The following MMP17 variants were observed in gnomAD, a reference collection of about 807,000 sequenced individuals.
The protein encoded by MMP17 is matrix metalloproteinase-17.
Under a neutral mutation model 49.1 loss-of-function variants are expected in MMP17, and 54 were observed. The observed-to-expected ratio is 1.10, with a 90% CI of 0.88 to 1.38. The LOEUF (loss-of-function observed/expected upper bound fraction) is 1.38, where lower values mean the gene tolerates loss of function less well. MMP17 is among the 40% of genes most tolerant of loss of function. The pLI is 0.00. For synonymous variants in MMP17, 397 were observed against 383.1 expected (o/e 1.04, Z -0.42); for missense variants, 837 against 853.7 (o/e 0.98, Z 0.24).
chr12:131,844,933 G>A (rs115276507), intron 6 of MMP17, 185 bp from the exon 7 acceptor site: 237 of 610,526 alleles, frequency 3.9e-4, no homozygotes, highest in Middle Eastern at 1.3e-3. Context: ...CTCGGCCCCC[G>A]CCCGCTGAAG....
chr12:131,848,932 C>T lies in MMP17; in HGVS notation c.1205-870C>T, dbSNP rs532067555. 1.6e-4 allele frequency among the ~76,000 whole-genome samples: 24 copies of T among 152,340 alleles called. No individual in the cohort carries two copies. The South Asian group carries it at 3.3e-3, about 21-fold the overall frequency. Reference sequence around the variant, plus strand: ...GTTCTTTTGGATTTATACCCAGAAGCGGGAATGCTGGATCACGTGGTAATT... The same window carrying T: ...GTTCTTTTGGATTTATACCCAGAAGTGGGAATGCTGGATCACGTGGTAATT... On this transcript the variant is annotated intron_variant, in intron 8 of 9. Coordinates refer to ENST00000360564, the MANE Select transcript of MMP17 (RefSeq NM_016155.7).
In MMP17 at chr12:131,851,091, C is replaced by T. The variant is rs756889649; in HGVS notation, c.1629C>T (p.Arg543=). 36 of 1,602,140 alleles carry T rather than the reference C, an allele frequency of 2.2e-5. No homozygotes were observed. The highest frequency in any genetic ancestry group is 4.0e-5 in the African/African-American group (3 of 74,462). The change falls in exon 10 of 10, where the codon CGC becomes CGT. Residue 543 remains arginine, a synonymous_variant. Coordinates refer to ENST00000360564, the MANE Select transcript of MMP17 (RefSeq NM_016155.7). ...AAGVDAAEGP[R]APPGQHDQSR... ...GCGTGGACGCGGCAGAGGGGCCCCG[C>T]GCCCCTCCAGGACAACATGACCAGA...
In MMP17 at chr12:131,841,783, G is replaced by A. The variant is rs760432391; in HGVS notation, c.866G>A (p.Arg289His). The A allele has an allele frequency of 1.6e-5, 25 of 1,600,942 alleles. No individual in the cohort carries two copies. The highest frequency in any genetic ancestry group is 5.6e-5 in the South Asian group (5 of 89,948). ...RYGLPYEDKV[R>H]VWQLYGVRES... is the part of the protein sequence containing the mutation. ...GGGCTCCCCTACGAGGACAAGGTGC[G>A]CGTCTGGCAGCTGTACGGTGAGTGT... The change falls in exon 5 of 10, where the codon CGC (arginine) becomes CAC (histidine). Residue 289 changes from arginine to histidine, a missense_variant. Physicochemically the swap from Arg to His is conservative, Grantham distance 29. Transcript: ENST00000360564.
At chr12:131,843,141 T>G (rs1036226550) in intron 5 of MMP17, among the ~76,000 whole-genome samples, 4 of 143,466 alleles carry the variant, frequency 2.8e-5, no homozygotes, top group African/African-American at 1.2e-4. Flanking sequence ...TTTTTTGTAT[T>G]TTTTTTTTAG....
At chr12:131,843,176 C>T (rs1296771479) in intron 5 of MMP17, among the ~76,000 whole-genome samples, 1 of 151,798 alleles carries the variant, frequency 6.6e-6, no homozygotes, top group African/African-American at 2.4e-5. Context: ...CACTGTTAGC[C>T]AGGATGGTCT....
chr12:131,828,972 C>T (rs71470346), intron 1 of MMP17, among the ~76,000 whole-genome samples: 34,470 of 152,070 alleles, frequency 0.23, 4,464 homozygotes, highest in Non-Finnish European at 0.29. Flanking sequence ...TTGCAGCAGC[C>T]CCGGAGCAGC....
intron 8 of MMP17, among the ~76,000 whole-genome samples, chr12:131,848,062 T>A (rs1428479285): frequency 6.6e-6 from 1 of 152,164 alleles, no homozygotes; most frequent in Non-Finnish European, 1.5e-5. Context: ...CTGGTCTTTT[T>A]ATATTATTTT....
Position 131,841,712 on chromosome 12 carries a change from C to T in MMP17, c.795C>T (p.Ile265=), listed in dbSNP as rs1555258319. The change falls in exon 5 of 10, where the codon ATC becomes ATT. Residue 265 remains isoleucine, a synonymous_variant. Coordinates refer to ENST00000360564, the MANE Select transcript of MMP17 (RefSeq NM_016155.7). Reference sequence around the variant, plus strand: ...GCCATGTGGCCGCTGCACACTCCATCATGCGGCCGTACTACCAGGGCCCGG... The same window carrying T: ...GCCATGTGGCCGCTGCACACTCCATTATGCGGCCGTACTACCAGGGCCCGG... ...GLSHVAAAHS[I]MRPYYQGPVG... The T allele has an allele frequency of 1.2e-6, 2 of 1,613,906 alleles. No homozygotes were observed. The highest frequency in any genetic ancestry group is 2.2e-5 in the South Asian group (2 of 91,078).
chr12:131,836,126 ACACT>A (rs1315128059), intron 1 of MMP17, among the ~76,000 whole-genome samples: 9 of 152,084 alleles, frequency 5.9e-5, no homozygotes, highest in African/African-American at 2.2e-4. Flanking sequence ...AGTTCTGTAC[ACACT>A]CTTGGCTTCC....
rs1043956817 is a variant in MMP17 at position 131,838,226 on chromosome 12, C to T, written c.191C>T (p.Pro64Leu). 11 of 1,612,908 alleles carry T rather than the reference C, an allele frequency of 6.8e-6. No individual in the cohort carries two copies. The highest frequency in any genetic ancestry group is 1.3e-5 in the African/African-American group (1 of 74,928). ...CTAAGCAGGTTCGGTTACCTGCCCCCGGCTGACCCCACAACAGGGCAGCTG... is the reference window on the plus strand; with the variant it reads ...CTAAGCAGGTTCGGTTACCTGCCCCTGGCTGACCCCACAACAGGGCAGCTG... ...EWLSRFGYLP[P>L]ADPTTGQLQT... Residue 64 changes from proline to leucine, a missense_variant, in exon 2 of 10, where the codon CCG (proline) becomes CTG (leucine). Pro to Leu is a moderately conservative substitution (Grantham distance 98). Transcript: ENST00000360564.
rs937510207 is a variant in MMP17, at chr12:131,838,690, G to A, written c.371G>A (p.Arg124Lys). 1.2e-6 allele frequency: 2 copies of A among 1,606,662 alleles called. No individual in the cohort carries two copies. The highest frequency in any genetic ancestry group is 1.7e-6 in the Non-Finnish European group (2 of 1,177,626). Residue 124 changes from arginine (R) to lysine (K), a missense_variant, in exon 3 of 10, where the codon AGA becomes AAA. Physicochemically the swap from Arg to Lys is conservative, Grantham distance 26. Coordinates refer to ENST00000360564, the MANE Select transcript of MMP17 (RefSeq NM_016155.7). ...CCTGTCCTGACCCAGGCTCGCAGGA[G>A]ACGCCAGGCTCCAGCCCCCACCAAG... ...DLPVLTQARR[R>K]RQAPAPTKWN...
intron 1 of MMP17, among the ~76,000 whole-genome samples, chr12:131,835,053 G>C (rs556271214): frequency 6.6e-6 from 1 of 152,182 alleles, no homozygotes; most frequent in Non-Finnish European, 1.5e-5. Flanking sequence ...GGCTTGTTCT[G>C]TTGGGGTGTC....
rs549493009 is a variant in MMP17, at chr12:131,836,111, C to A, written c.160-2084C>A. Among the ~76,000 whole-genome samples, 322 of 152,274 alleles carry A rather than the reference C, an allele frequency of 2.1e-3. 3 individuals carry two copies. The highest frequency in any genetic ancestry group is 7.1e-3 in the African/African-American group (296 of 41,542). On this transcript the variant is annotated intron_variant, in intron 1 of 9. Coordinates refer to ENST00000360564, the MANE Select transcript of MMP17 (RefSeq NM_016155.7). Reference sequence around the variant, plus strand: ...TGTCGTGCCTATAGCTTTGGAGGGGCCCCCAGTTCTGTACACACTCTTGGC... The same window carrying A: ...TGTCGTGCCTATAGCTTTGGAGGGGACCCCAGTTCTGTACACACTCTTGGC...
intron 1 of MMP17, among the ~76,000 whole-genome samples, chr12:131,831,210 G>T (rs1886777489): frequency 6.6e-6 from 1 of 152,260 alleles, no homozygotes; most frequent in South Asian, 2.1e-4. Context: ...TGGGTCCTGG[G>T]TGGCAGTTGT....
chr12:131,838,795 C>T (rs1887226394), intron 3 of MMP17, 54 bp downstream of exon 3: 1 of 1,520,194 alleles, frequency 6.6e-7, no homozygotes, highest in African/African-American at 1.4e-5. Context: ...GGGCGCGTGG[C>T]CAGGGTGAGG....
chr12:131,851,419 G>A lies in MMP17; in HGVS notation c.*145G>A. On this transcript the variant is annotated 3_prime_UTR_variant, in exon 10 of 10. Transcript: ENST00000360564. ...CACCGGAAGGCCAGCAGAGGGCACTGTCCGCCAGGGCTGGGCAGGCTCAGG... is the reference window on the plus strand; with the variant it reads ...CACCGGAAGGCCAGCAGAGGGCACTATCCGCCAGGGCTGGGCAGGCTCAGG... 9 of 643,870 alleles carry A rather than the reference G, an allele frequency of 1.4e-5. 1 individual carries two copies. In the South Asian group the frequency reaches 4.3e-4, roughly 31 times the overall value. The allele number at this position is 643,870 out of a possible 1,614,324, so 39.9% of individuals were successfully genotyped here.
At chr12:131,829,400 G>C (rs964918632) in intron 1 of MMP17, among the ~76,000 whole-genome samples, 2 of 152,208 alleles carry the variant, frequency 1.3e-5, no homozygotes, top group Non-Finnish European at 2.9e-5. Context: ...TTCCGCAGCC[G>C]GGACTCGCGT....
rs1273665581 is a variant in MMP17 at position 131,851,248 on chromosome 12, A to G, written c.1786A>G (p.Thr596Ala). Residue 596 changes from threonine to alanine, a missense_variant, in exon 10 of 10, where the codon ACA becomes GCA. Coordinates refer to ENST00000360564, the MANE Select transcript of MMP17 (RefSeq NM_016155.7). Reference protein sequence around the residue: ...LPPLSPGALWTAAQALTL With the variant: ...LPPLSPGALWAAAQALTL ...GCCACTGTCACCAGGCGCCCTGTGGACAGCGGCCCAGGCCCTGACGCTATG... is the reference window on the plus strand; with the variant it reads ...GCCACTGTCACCAGGCGCCCTGTGGGCAGCGGCCCAGGCCCTGACGCTATG... 3 of 1,444,026 alleles carry G rather than the reference A, an allele frequency of 2.1e-6. No homozygotes were observed. Among genetic ancestry groups the G allele is most frequent in the Non-Finnish European group, 2.7e-6 (3 of 1,095,790 alleles). The allele number at this position is 1,444,026 out of a possible 1,614,324, so 89.5% of individuals were successfully genotyped here. A position where few individuals can be genotyped will look rare whatever the true frequency, so the allele number is the denominator to read the frequency against.
chr12:131,843,963 G>T, intron 5 of MMP17, 34 bp from the exon 6 acceptor site: 17 of 1,480,250 alleles, frequency 1.1e-5, no homozygotes, highest in Non-Finnish European at 1.5e-5. Flanking sequence ...GGGCGTCGGG[G>T]GTTTGAGGCC....
Sources: gnomAD v4.1 joint callset for allele counts (sites outside exome capture counted in the v4.1 genomes callset) on GRCh38, gnomAD v4.1.1 for gene constraint, MANE v1.5 for transcripts, NCBI Gene and HGNC (gene_info 2026-07-23, HGNC 2026-07-21) for gene names.